Variants in PUS10 observed in about 807,000 individuals in gnomAD.
PUS10 encodes pseudouridine synthase 10.
PUS10 carries 59 observed loss-of-function variants against 75.0 expected under a neutral mutation model. The ratio of observed to expected loss-of-function variants is 0.79; its 90% CI spans 0.64 to 0.98. The LOEUF is 0.98. Among genes scored for constraint, PUS10 ranks in the 50% least tolerant of loss-of-function variants. The pLI, the probability that PUS10 is intolerant of heterozygous loss-of-function variation, is 0.00. For missense variants in PUS10, 650 were observed against 614.4 expected, an observed-to-expected ratio of 1.06 and a Z score of -0.61; for synonymous variants, 219 against 211.6, an observed-to-expected ratio of 1.03 and a Z score of -0.30.
chr2:61,012,191 A>T (rs1280756263), intron 1 of PUS10, among the ~76,000 whole-genome samples: 1 of 152,224 alleles, frequency 6.6e-6, no homozygotes, highest in African/African-American at 2.4e-5. Flanking sequence ...AAAAATAATC[A>T]AGAATGGTTG....
At chr2:60,948,272 C>A (rs1259095873) in intron 15 of PUS10, 87 bp from the exon 16 acceptor site, 26 of 1,299,060 alleles carry the variant, frequency 2.0e-5, no homozygotes, top group Non-Finnish European at 2.4e-5. Context: ...CCATCCATAG[C>A]TCACCACAGA....
chr2:60,958,178 C>T (rs1437922995), intron 11 of PUS10, among the ~76,000 whole-genome samples: 1 of 152,098 alleles, frequency 6.6e-6, no homozygotes, highest in East Asian at 1.9e-4. Flanking sequence ...ACAGGTGGCC[C>T]CAAAAAGAAT....
chr2:60,956,116 C>CT (rs1312501367), intron 11 of PUS10, among the ~76,000 whole-genome samples: 1 of 151,876 alleles, frequency 6.6e-6, no homozygotes, highest in African/African-American at 2.4e-5. Flanking sequence ...ATGTAAGGGG[C>CT]TTACACAACA....
intron 4 of PUS10, among the ~76,000 whole-genome samples, chr2:60,975,972 G>A (rs1181187475): frequency 2.0e-5 from 3 of 152,100 alleles, no homozygotes; most frequent in Non-Finnish European, 4.4e-5. Context: ...ATGTTGGCCA[G>A]GCTGGTCTGA....
chr2:60,945,854 T>C (rs1304660188), intron 16 of PUS10, among the ~76,000 whole-genome samples: 1 of 152,242 alleles, frequency 6.6e-6, no homozygotes, highest in African/African-American at 2.4e-5. Context: ...AGATTTGTTT[T>C]TGCCAGAATT....
chr2:60,988,761 G>A (rs186183167), intron 4 of PUS10, among the ~76,000 whole-genome samples: 6 of 151,492 alleles, frequency 4.0e-5, no homozygotes, highest in South Asian at 2.1e-4. Flanking sequence ...TCAGCCTCCC[G>A]AATAGCTGGG....
At chr2:60,956,339 C>T (rs1407606730) in intron 11 of PUS10, among the ~76,000 whole-genome samples, 1 of 152,118 alleles carries the variant, frequency 6.6e-6, no homozygotes, top group Non-Finnish European at 1.5e-5. Flanking sequence ...TCAAAAAGGG[C>T]ATCTGGGAAG....
At chr2:61,008,692 A>C in intron 3 of PUS10, 69 bp downstream of exon 3, 1 of 1,260,724 alleles carries the variant, frequency 7.9e-7, no homozygotes, top group Non-Finnish European at 1.1e-6. Context: ...GGAAAGAAAA[A>C]AGAATTCTTG....
chr2:60,946,859 C>G (rs73932667), intron 16 of PUS10, among the ~76,000 whole-genome samples: 19 of 102,680 alleles, frequency 1.9e-4, no homozygotes, highest in African/African-American at 3.8e-4. Context: ...TATATATAGA[C>G]ACACACACAC....
At position 61,018,021 on chromosome 2, in the gene PUS10, AGT is replaced by A. The variant is rs1334077134; in HGVS notation, c.-31_-30del. 7.2e-7 allele frequency: 1 copy of A among 1,385,140 alleles called. No homozygotes were observed. The highest frequency in any genetic ancestry group is 9.7e-7 in the Non-Finnish European group (1 of 1,034,106). The allele number at this position is 1,385,140 out of a possible 1,614,324, so 85.8% of individuals were successfully genotyped here. A position where few individuals can be genotyped will look rare whatever the true frequency, so the allele number is the denominator to read the frequency against. On this transcript the variant is annotated 5_prime_UTR_variant, in exon 1 of 18. Transcript: ENST00000316752. ...TGGGGCGCTTACCAGTGGGGACTTT[AGT>A]GTCTCACAGCTGTTTCTGACCCGGC...
intron 4 of PUS10, among the ~76,000 whole-genome samples, chr2:60,973,203 G>T (rs1410822190): frequency 3.3e-5 from 5 of 152,370 alleles, no homozygotes; most frequent in Non-Finnish European, 1.5e-5. Context: ...GCCGGGACTC[G>T]TGGGGCCAGC....
intron 4 of PUS10, among the ~76,000 whole-genome samples, chr2:60,989,415 AC>A (rs1677935375): frequency 6.6e-6 from 1 of 152,184 alleles, no homozygotes; most frequent in African/African-American, 2.4e-5. Flanking sequence ...GGGCATTAAT[AC>A]TTCACTGAGT....
At chr2:60,988,275 G>C (rs533877272) in intron 4 of PUS10, among the ~76,000 whole-genome samples, 2 of 152,126 alleles carry the variant, frequency 1.3e-5, no homozygotes, top group African/African-American at 4.8e-5. Context: ...AACATTCTAA[G>C]GGTCACTGTT....
Position 61,008,853 on chromosome 2 carries a change from C to T in PUS10, c.289G>A (p.Gly97Arg), listed in dbSNP as rs1219731269. 1 of 1,613,254 alleles carries T rather than the reference C, an allele frequency of 6.2e-7. No individual in the cohort carries two copies. Among genetic ancestry groups the T allele is most frequent in the African/African-American group, 1.3e-5 (1 of 75,006 alleles). The change falls in exon 3 of 18, where the codon GGA becomes AGA. Residue 97 changes from glycine (G) to arginine (R), a missense_variant. Transcript: ENST00000316752. ...TTTGAGTTCTTGGAAGCAGTGCTTCCAACATGACTAACAGAGATCCTTCCC... is the reference window on the plus strand; with the variant it reads ...TTTGAGTTCTTGGAAGCAGTGCTTCTAACATGACTAACAGAGATCCTTCCC... Reference protein sequence around the residue: ...GEGRISVSHVGSTASKNSNLN... With the variant: ...GEGRISVSHVRSTASKNSNLN...
chr2:60,959,383 T>C (rs1029345235), intron 11 of PUS10, among the ~76,000 whole-genome samples: 12 of 152,302 alleles, frequency 7.9e-5, no homozygotes, highest in Middle Eastern at 6.8e-3. Flanking sequence ...AGAACAGTCA[T>C]TTTTCAAATT....
At chr2:61,009,163 T>C (rs1679441361) in intron 2 of PUS10, 148 bp from the exon 3 acceptor site, 1 of 647,658 alleles carries the variant, frequency 1.5e-6, no homozygotes, top group Admixed American at 3.3e-5. Flanking sequence ...GCAATCCAGT[T>C]ATTAGCCAGC....
At chr2:61,004,720 A>G (rs1277230273) in intron 4 of PUS10, among the ~76,000 whole-genome samples, 1 of 151,850 alleles carries the variant, frequency 6.6e-6, no homozygotes, top group Admixed American at 6.6e-5. Flanking sequence ...GAAACCTGGG[A>G]TGTGAAAAGA....
At chr2:61,015,393 G>A (rs547667555) in intron 1 of PUS10, among the ~76,000 whole-genome samples, 4 of 152,144 alleles carry the variant, frequency 2.6e-5, no homozygotes, top group Non-Finnish European at 5.9e-5. Context: ...CCTGCTACTC[G>A]GGAGGTTGAG....
At chr2:60,971,807 T>G (rs1676681273) in intron 4 of PUS10, among the ~76,000 whole-genome samples, 1 of 151,904 alleles carries the variant, frequency 6.6e-6, no homozygotes, top group African/African-American at 2.4e-5. Context: ...CCCTCCTCCT[T>G]ACAGATTTCT....
Sources: gnomAD v4.1 joint callset for allele counts (sites outside exome capture counted in the v4.1 genomes callset) on GRCh38, gnomAD v4.1.1 for gene constraint, MANE v1.5 for transcripts, NCBI Gene and HGNC (gene_info 2026-07-23, HGNC 2026-07-21) for gene names.